Variants in SMPX observed in about 807,000 individuals in gnomAD.
SMPX encodes small muscle protein X-linked.
A neutral mutation model predicts 6.3 loss-of-function variants in SMPX; 2 were observed. That is an observed-to-expected ratio of 0.32 (90% CI 0.13 to 0.99). The LOEUF (loss-of-function observed/expected upper bound fraction) is 0.99, where lower values mean the gene tolerates loss of function less well. Ranked by LOEUF, SMPX falls within the 50% of genes least tolerant of loss-of-function variation. The probability of loss-of-function intolerance (pLI) is 0.49; values close to 1 mark genes in which losing one functional copy is unlikely to be tolerated. For synonymous variants in SMPX, 32 were observed against 24.7 expected, an observed-to-expected ratio of 1.30 and a Z score of -0.88; for missense variants, 60 against 66.8, an observed-to-expected ratio of 0.90 and a Z score of 0.36.
chrX:21,732,221 T>A (rs941797316), intron 4 of SMPX, among the ~76,000 whole-genome samples: 1 of 111,991 alleles, frequency 8.9e-6, no homozygotes, highest in Non-Finnish European at 1.9e-5. Flanking sequence ...GGTAAATATG[T>A]CTTATCTAGA....
intron 2 of SMPX, among the ~76,000 whole-genome samples, chrX:21,753,807 A>G (rs1450990051): frequency 8.9e-6 from 1 of 112,181 alleles, no homozygotes; most frequent in Non-Finnish European, 1.9e-5. Flanking sequence ...AAAGATGAAT[A>G]CCCAAGCCCT....
intron 1 of SMPX, among the ~76,000 whole-genome samples, chrX:21,757,694 C>T (rs1384901650): frequency 4.5e-5 from 5 of 111,641 alleles, no homozygotes; most frequent in Non-Finnish European, 9.4e-5. Flanking sequence ...AGACTGTGGA[C>T]ATTTTATTGT....
intron 4 of SMPX, among the ~76,000 whole-genome samples, chrX:21,716,871 C>G (rs2092785736): frequency 9.0e-6 from 1 of 111,442 alleles, no homozygotes; most frequent in South Asian, 3.8e-4. Flanking sequence ...AATCTTGGGC[C>G]AATGAGAAGA....
At chrX:21,716,544 G>T (rs1412810509) in intron 4 of SMPX, among the ~76,000 whole-genome samples, 1 of 112,521 alleles carries the variant, frequency 8.9e-6, no homozygotes, top group African/African-American at 3.2e-5. Flanking sequence ...ACATGGTAAA[G>T]CATTTAGCAG....
At chrX:21,714,043 T>C (rs1041775693) in intron 4 of SMPX, among the ~76,000 whole-genome samples, 1 of 112,089 alleles carries the variant, frequency 8.9e-6, no homozygotes, top group African/African-American at 3.2e-5. Context: ...TCTTAAATAC[T>C]ACTGTATAAA....
chrX:21,737,970 A>T (rs763130317), intron 3 of SMPX, among the ~76,000 whole-genome samples: 1 of 112,325 alleles, frequency 8.9e-6, no homozygotes, highest in East Asian at 2.8e-4. Flanking sequence ...TCTGATAACT[A>T]ACAAAAATTA....
In SMPX at chrX:21,738,609, G is replaced by A. The variant is rs1011640369; in HGVS notation, c.133-912C>T. ...ATCACCGTGGCAGCCTTGAGAACGC[G>A]CCTCTCGGATCAGTTTACTGCAGAG... On this transcript the variant is annotated intron_variant, in intron 3 of 4. Transcript: ENST00000379494. Among the ~76,000 whole-genome samples, 30 of 111,027 alleles carry A rather than the reference G, an allele frequency of 2.7e-4. 1 individual carries two copies. The highest frequency in any genetic ancestry group is 7.2e-4 in the African/African-American group (22 of 30,427).
chrX:21,729,774 A>G, intron 4 of SMPX, among the ~76,000 whole-genome samples: 1 of 107,621 alleles, frequency 9.3e-6, no homozygotes, highest in Non-Finnish European at 1.9e-5. Flanking sequence ...TAATTCACAC[A>G]CTAGACCCTC....
chrX:21,711,629 T>C (rs747172848), intron 4 of SMPX, among the ~76,000 whole-genome samples: 1 of 112,213 alleles, frequency 8.9e-6, no homozygotes, highest in Non-Finnish European at 1.9e-5. Flanking sequence ...TACGCCTTGC[T>C]GTGACCCATT....
At chrX:21,756,115 C>T (rs1185577200) in intron 1 of SMPX, among the ~76,000 whole-genome samples, 1 of 112,072 alleles carries the variant, frequency 8.9e-6, no homozygotes, top group Non-Finnish European at 1.9e-5. Context: ...TTTCACAGAA[C>T]TTTAAATATC....
At chrX:21,725,581 G>A (rs950163763) in intron 4 of SMPX, among the ~76,000 whole-genome samples, 2 of 112,409 alleles carry the variant, frequency 1.8e-5, no homozygotes, top group Non-Finnish European at 3.8e-5. Context: ...AAATGAAAAT[G>A]CTAAAGTGAA....
chrX:21,749,871 G>C (rs1002844815), intron 2 of SMPX, among the ~76,000 whole-genome samples: 6 of 112,360 alleles, frequency 5.3e-5, no homozygotes, highest in African/African-American at 1.9e-4. Context: ...ACAAGGACCA[G>C]GGGGGTGAAT....
intron 4 of SMPX, among the ~76,000 whole-genome samples, chrX:21,731,696 A>AT (rs1438249427): frequency 1.2e-4 from 6 of 49,827 alleles, no homozygotes; most frequent in South Asian, 9.8e-4. Context: ...ACATGTACAC[A>AT]TAAATGTGTA....
At chrX:21,752,363 T>C (rs2092828321) in intron 2 of SMPX, among the ~76,000 whole-genome samples, 2 of 111,502 alleles carry the variant, frequency 1.8e-5, no homozygotes, top group African/African-American at 6.5e-5. Context: ...TAAAAGAATT[T>C]TTATGTTTAG....
At chrX:21,729,259 T>C (rs1350120050) in intron 4 of SMPX, among the ~76,000 whole-genome samples, 1 of 113,045 alleles carries the variant, frequency 8.8e-6, no homozygotes, top group Non-Finnish European at 1.9e-5. Flanking sequence ...TGCAATGCAT[T>C]GATTGCTTGG....
intron 4 of SMPX, among the ~76,000 whole-genome samples, chrX:21,716,047 A>G (rs1383281487): frequency 3.6e-5 from 4 of 112,010 alleles, no homozygotes; most frequent in Non-Finnish European, 3.8e-5. Context: ...CTGATAAAAC[A>G]TATTAGTAAT....
chrX:21,752,823 G>A (rs1426448972), intron 2 of SMPX, among the ~76,000 whole-genome samples: 1 of 111,543 alleles, frequency 9.0e-6, no homozygotes, highest in Non-Finnish European at 1.9e-5. Context: ...GGCCTACTAT[G>A]CTGTTTTAAG....
rs140348591 is a variant in SMPX, at chrX:21,735,198, G to A, written c.*14+2351C>T. Reference sequence around the variant, plus strand: ...ATGTTAAGAAATGTTCTCCTTCTGCGACCACAGACTATGACTACTGAAGTC... The same window carrying A: ...ATGTTAAGAAATGTTCTCCTTCTGCAACCACAGACTATGACTACTGAAGTC... On this transcript the variant is annotated intron_variant, in intron 4 of 4. Coordinates refer to ENST00000379494, the MANE Select transcript of SMPX (RefSeq NM_014332.3). 3.9e-3 allele frequency among the ~76,000 whole-genome samples: 441 copies of A among 111,885 alleles called. 3 individuals are homozygous for A. The highest frequency in any genetic ancestry group is 0.014 in the African/African-American group (423 of 30,812).
intron 3 of SMPX, among the ~76,000 whole-genome samples, chrX:21,741,040 G>A (rs1429576285): frequency 8.9e-6 from 1 of 111,977 alleles, no homozygotes; most frequent in Admixed American, 9.5e-5. Context: ...CCCATCTGTG[G>A]CTGGGCCAAG....
Sources: allele counts gnomAD v4.1 joint callset (sites outside exome capture counted in the v4.1 genomes callset), GRCh38; gene constraint gnomAD v4.1.1; transcripts MANE v1.5; gene names NCBI Gene and HGNC (gene_info 2026-07-23, HGNC 2026-07-21).